Variants in NKAIN3 observed in about 807,000 individuals in gnomAD.
NKAIN3 encodes sodium/potassium-transporting ATPase subunit beta-1-interacting protein 3.
Under a neutral mutation model 30.2 loss-of-function variants are expected in NKAIN3, and 25 were observed. The ratio of observed to expected loss-of-function variants is 0.83; its 90% CI spans 0.60 to 1.16. NKAIN3 has a LOEUF of 1.16. Ranked by LOEUF, NKAIN3 falls within the 50% of genes most tolerant of loss-of-function variation. The pLI is 0.00. For missense variants in NKAIN3, 225 were observed against 254.1 expected (o/e 0.89, Z 0.78); for synonymous variants, 91 against 89.6 (o/e 1.02, Z -0.09).
intron 1 of NKAIN3, among the ~76,000 whole-genome samples, chr8:62,475,032 AAGC>A (rs1178883507): frequency 1.3e-5 from 2 of 152,208 alleles, no homozygotes; most frequent in Non-Finnish European, 2.9e-5. Context: ...CATAGCTAAA[AAGC>A]CAGTAGAGAG....
intron 1 of NKAIN3, among the ~76,000 whole-genome samples, chr8:62,570,141 G>A (rs1809886543): frequency 6.6e-6 from 1 of 152,198 alleles, no homozygotes; most frequent in Non-Finnish European, 1.5e-5. Context: ...TTATTGTGAA[G>A]TTGAATCTCC....
In NKAIN3 at chr8:62,282,501, G is replaced by C. The variant is rs536740773; in HGVS notation, c.54+33374G>C. Among the ~76,000 whole-genome samples the C allele has an allele frequency of 3.6e-4, 55 of 152,262 alleles. No individual in the cohort carries two copies. The South Asian group carries it at 0.011, about 31-fold the overall frequency. Reference sequence around the variant, plus strand: ...ATGCGTTTGCTGACAGATTGACCTGGACTGTGTTTTCCCCTTATTCAGGGA... The same window carrying C: ...ATGCGTTTGCTGACAGATTGACCTGCACTGTGTTTTCCCCTTATTCAGGGA... On this transcript the variant is annotated intron_variant, in intron 1 of 6. Coordinates refer to ENST00000623646, the MANE Select transcript of NKAIN3 (RefSeq NM_001304533.3).
chr8:62,951,412 T>A (rs1479954685), intron 5 of NKAIN3, among the ~76,000 whole-genome samples: 1 of 152,240 alleles, frequency 6.6e-6, no homozygotes, highest in Non-Finnish European at 1.5e-5. Flanking sequence ...AATTTTTTAA[T>A]CCAGTTCATA....
chr8:62,993,210 G>A (rs1228360817), intron 5 of NKAIN3, among the ~76,000 whole-genome samples: 1 of 152,122 alleles, frequency 6.6e-6, no homozygotes, highest in Non-Finnish European at 1.5e-5. Context: ...AGACAGCAAG[G>A]AAAGCAGAAA....
intron 3 of NKAIN3, among the ~76,000 whole-genome samples, chr8:62,630,882 A>G (rs1171394037): frequency 6.6e-6 from 1 of 152,160 alleles, no homozygotes; most frequent in African/African-American, 2.4e-5. Flanking sequence ...TCTTTTCATC[A>G]TATAAACAAG....
chr8:62,671,987 G>C (rs1428404466), intron 3 of NKAIN3, among the ~76,000 whole-genome samples: 1 of 152,184 alleles, frequency 6.6e-6, no homozygotes, highest in South Asian at 2.1e-4. Flanking sequence ...TAGCCAGATT[G>C]CTGGGATGTG....
chr8:62,889,106 C>T (rs1292730133), intron 4 of NKAIN3, among the ~76,000 whole-genome samples: 5 of 152,100 alleles, frequency 3.3e-5, no homozygotes, highest in Admixed American at 6.6e-5. Context: ...CGGTGACTCA[C>T]GCCTGTAAAC....
chr8:62,357,348 G>C (rs1023303135), intron 1 of NKAIN3, among the ~76,000 whole-genome samples: 1 of 150,048 alleles, frequency 6.7e-6, no homozygotes, highest in Non-Finnish European at 1.5e-5. Context: ...GAGCCCAAGA[G>C]TTTGAGGCTA....
intron 4 of NKAIN3, among the ~76,000 whole-genome samples, chr8:62,887,834 A>T (rs1375726624): frequency 6.6e-6 from 1 of 152,122 alleles, no homozygotes; most frequent in Non-Finnish European, 1.5e-5. Flanking sequence ...TAGTTGTTTC[A>T]AATTTTTATT....
chr8:62,844,317 A>C (rs1819612307), intron 4 of NKAIN3, among the ~76,000 whole-genome samples: 1 of 152,178 alleles, frequency 6.6e-6, no homozygotes, highest in South Asian at 2.1e-4. Context: ...AACCGGATAA[A>C]AAGTGAAAGT....
At chr8:62,634,390 C>A (rs1812063293) in intron 3 of NKAIN3, among the ~76,000 whole-genome samples, 1 of 152,164 alleles carries the variant, frequency 6.6e-6, no homozygotes, top group Non-Finnish European at 1.5e-5. Flanking sequence ...GCTATACAAA[C>A]TCTTAATTTT....
chr8:62,718,493 T>G (rs1486320954), intron 3 of NKAIN3, among the ~76,000 whole-genome samples: 2 of 152,230 alleles, frequency 1.3e-5, no homozygotes, highest in African/African-American at 4.8e-5. Flanking sequence ...AATTCATGTA[T>G]CTTTTTTCCT....
intron 3 of NKAIN3, among the ~76,000 whole-genome samples, chr8:62,627,602 G>C (rs970770319): frequency 1.3e-5 from 2 of 152,090 alleles, no homozygotes; most frequent in Non-Finnish European, 1.5e-5. Context: ...TGATAAAACT[G>C]TTCATCAAGA....
chr8:62,977,885 G>A lies in NKAIN3; in HGVS notation c.*12478G>A, dbSNP rs951917485. On this transcript the variant is annotated 3_prime_UTR_variant, in exon 7 of 7. Transcript: ENST00000623646. ...TGGTCTTTGGCATTGGTGACCTTTG[G>A]AAGGAGTGTTTACATGGTCATGCTC... is the stretch of plus-strand genomic sequence containing the variant. The A allele has an allele frequency of 4.6e-5, 7 of 152,184 alleles. No individual in the cohort carries two copies. The highest frequency in any genetic ancestry group is 1.7e-4 in the African/African-American group (7 of 41,434). 9.4% of individuals were successfully genotyped at this position (152,184 alleles called of 1,614,324 possible). A position where few individuals can be genotyped will look rare whatever the true frequency, so the allele number is the denominator to read the frequency against.
intron 5 of NKAIN3, among the ~76,000 whole-genome samples, chr8:62,935,292 A>G (rs984611471): frequency 5.3e-5 from 8 of 152,172 alleles, no homozygotes; most frequent in African/African-American, 1.9e-4. Flanking sequence ...AGCCTTTGAA[A>G]TTTTGGAAAT....
At chr8:62,327,569 T>C (rs184249258) in intron 1 of NKAIN3, among the ~76,000 whole-genome samples, 127 of 152,248 alleles carry the variant, frequency 8.3e-4, no homozygotes, top group Middle Eastern at 3.4e-3. Context: ...TTTTGAGGAC[T>C]GGCCTTTCCC....
chr8:62,591,055 C>A (rs937736373), intron 3 of NKAIN3, among the ~76,000 whole-genome samples: 4 of 151,874 alleles, frequency 2.6e-5, no homozygotes, highest in Non-Finnish European at 5.9e-5. Context: ...AAATGCAAAT[C>A]TTATGAATAA....
At chr8:62,290,245 G>C (rs1314041004) in intron 1 of NKAIN3, among the ~76,000 whole-genome samples, 1 of 152,024 alleles carries the variant, frequency 6.6e-6, no homozygotes, top group African/African-American at 2.4e-5. Flanking sequence ...TCTTTCTCTT[G>C]CCTGATTTCC....
At chr8:62,769,435 C>G (rs965819082) in intron 4 of NKAIN3, among the ~76,000 whole-genome samples, 2 of 152,188 alleles carry the variant, frequency 1.3e-5, no homozygotes, top group Non-Finnish European at 2.9e-5. Context: ...TCAACAGCCA[C>G]AAATTGGAGT....
Sources: allele counts gnomAD v4.1 joint callset (sites outside exome capture counted in the v4.1 genomes callset), GRCh38; gene constraint gnomAD v4.1.1; transcripts MANE v1.5; gene names NCBI Gene and HGNC (gene_info 2026-07-23, HGNC 2026-07-21).